The following PARD3B variants were observed in gnomAD, a reference collection of about 807,000 sequenced individuals.
The protein encoded by PARD3B is par-3 family cell polarity regulator beta.
In PARD3B, 103 loss-of-function variants were observed where a neutral mutation model predicts 130.2. The ratio of observed to expected loss-of-function variants is 0.79; its 90% confidence interval spans 0.67 to 0.93. PARD3B has a LOEUF of 0.93. PARD3B is among the 40% of genes least tolerant of loss of function. The probability of loss-of-function intolerance (pLI) is 0.00; values close to 1 mark genes in which losing one functional copy is unlikely to be tolerated. For synonymous variants in PARD3B, 583 were observed against 553.2 expected (o/e 1.05, Z -0.76); for missense variants, 1,609 against 1,499.2 (o/e 1.07, Z -1.21).
chr2:204,904,957 G>C (rs1429440611), intron 2 of PARD3B, among the ~76,000 whole-genome samples: 1 of 152,194 alleles, frequency 6.6e-6, no homozygotes, highest in East Asian at 1.9e-4. Flanking sequence ...GCATTTGACA[G>C]CTTATGTATT....
intron 10 of PARD3B, among the ~76,000 whole-genome samples, chr2:205,126,125 G>T (rs1326738568): frequency 6.6e-6 from 1 of 152,282 alleles, no homozygotes; most frequent in African/African-American, 2.4e-5. Context: ...AGATAGCCAA[G>T]TATTCAAAAT....
At chr2:205,032,104 C>T (rs1031010421) in intron 3 of PARD3B, among the ~76,000 whole-genome samples, 2 of 152,076 alleles carry the variant, frequency 1.3e-5, no homozygotes, top group Non-Finnish European at 2.9e-5. Context: ...AAACACAGTA[C>T]AGTTTTGTAC....
intron 2 of PARD3B, among the ~76,000 whole-genome samples, chr2:204,816,643 G>T (rs1002317486): frequency 1.3e-5 from 2 of 151,722 alleles, no homozygotes; most frequent in African/African-American, 4.8e-5. Context: ...GCAAAAAAAT[G>T]TCTGTTTTTC....
intron 5 of PARD3B, among the ~76,000 whole-genome samples, chr2:205,106,958 TA>T (rs1265312410): frequency 6.6e-6 from 1 of 152,028 alleles, no homozygotes. Flanking sequence ...GAAGTGAAAT[TA>T]GGAAGCCAAT....
At chr2:205,613,266 G>T (rs1338614975) in intron 22 of PARD3B, among the ~76,000 whole-genome samples, 1 of 152,192 alleles carries the variant, frequency 6.6e-6, no homozygotes, top group Non-Finnish European at 1.5e-5. Flanking sequence ...GGCTTAAAAT[G>T]AGTGCAGAAA....
At chr2:205,033,720 T>A (rs1014798925) in intron 3 of PARD3B, among the ~76,000 whole-genome samples, 19 of 152,352 alleles carry the variant, frequency 1.2e-4, no homozygotes, top group Non-Finnish European at 1.9e-4. Flanking sequence ...ATCCACAGAA[T>A]CTTTTCAGGT....
chr2:204,714,385 C>T (rs1305394664), intron 2 of PARD3B, among the ~76,000 whole-genome samples: 2 of 152,026 alleles, frequency 1.3e-5, no homozygotes, highest in Non-Finnish European at 2.9e-5. Flanking sequence ...GTTCTTGTTT[C>T]CTTGTTTATT....
rs1252730210 is a variant in PARD3B, at chr2:205,308,621, C to CAAAAAAAAAAAAAAAAAAA, written c.2630+6923_2630+6924insAAAAAAAAAAAAAAAAAAA. Among the ~76,000 whole-genome samples the CAAAAAAAAAAAAAAAAAAA allele has an allele frequency of 2.1e-5, 2 of 93,072 alleles. 1 individual carries two copies. The highest frequency in any genetic ancestry group is 8.8e-4 in the South Asian group (2 of 2,276). The allele number at this position is 93,072 out of a possible 152,430, so 61.1% of individuals were successfully genotyped here. Reference sequence around the variant, plus strand: ...CTCCGTCTCAAAAAAAAAAAAAAACCAAACAACAAAACAAAACCCCAAGAC... The same window carrying CAAAAAAAAAAAAAAAAAAA: ...CTCCGTCTCAAAAAAAAAAAAAAACCAAAAAAAAAAAAAAAAAAAAAACAACAAAACAAAACCCCAAGAC... On this transcript the variant is annotated intron_variant, in intron 18 of 22. Transcript: ENST00000406610.
At chr2:205,383,679 C>T (rs1574876398) in intron 18 of PARD3B, among the ~76,000 whole-genome samples, 1 of 152,024 alleles carries the variant, frequency 6.6e-6, no homozygotes, top group Non-Finnish European at 1.5e-5. Flanking sequence ...AAGAGTCATG[C>T]ATCCACAGTC....
At chr2:205,302,454 A>G (rs2042045642) in intron 18 of PARD3B, among the ~76,000 whole-genome samples, 1 of 152,186 alleles carries the variant, frequency 6.6e-6, no homozygotes, top group Non-Finnish European at 1.5e-5. Context: ...GCTTGATCCC[A>G]GTAGTTCAAG....
chr2:204,742,727 T>G (rs2125366925), intron 2 of PARD3B, among the ~76,000 whole-genome samples: 1 of 152,336 alleles, frequency 6.6e-6, no homozygotes, highest in South Asian at 2.1e-4. Flanking sequence ...GTCACTAACT[T>G]GATCTGCATT....
intron 2 of PARD3B, among the ~76,000 whole-genome samples, chr2:204,819,393 G>A (rs1042841568): frequency 1.3e-5 from 2 of 152,130 alleles, no homozygotes; most frequent in African/African-American, 4.8e-5. Flanking sequence ...TACAAACAGT[G>A]CCTTTATAAG....
chr2:204,938,879 A>G (rs578000574), intron 2 of PARD3B, among the ~76,000 whole-genome samples: 1 of 152,306 alleles, frequency 6.6e-6, no homozygotes, highest in African/African-American at 2.4e-5. Context: ...AGCTCAGTAC[A>G]TATATCTGGA....
rs1443669472 is a variant in PARD3B, at chr2:205,590,595, A to G, written c.3261-24861A>G. ...GAGTCATTCCACCTGAACCACATGGACTGAGAGTGGGCATGGAATGATTCC... is the reference window on the plus strand; with the variant it reads ...GAGTCATTCCACCTGAACCACATGGGCTGAGAGTGGGCATGGAATGATTCC... On this transcript the variant is annotated intron_variant, in intron 22 of 22. Transcript: ENST00000406610. The surrounding 1 kb of genome is among the most constrained non-coding windows in gnomAD (Gnocchi z 4.1). 6.6e-6 allele frequency among the ~76,000 whole-genome samples: 1 copy of G among 152,130 alleles called. No individual in the cohort carries two copies. Among genetic ancestry groups the G allele is most frequent in the African/African-American group, 2.4e-5 (1 of 41,438 alleles).
chr2:205,402,538 A>C (rs1490282916), intron 19 of PARD3B, among the ~76,000 whole-genome samples: 1 of 152,084 alleles, frequency 6.6e-6, no homozygotes, highest in Non-Finnish European at 1.5e-5. Context: ...GGGGAAAAAA[A>C]CTCTTAGTAG....
rs920688393 is a variant in PARD3B at position 205,473,739 on chromosome 2, T to G, written c.3045-26157T>G. ...ACACACGTATATAAAACCCTAAATA[T>G]ATATATATATATATATAACCTTAAA... On this transcript the variant is annotated intron_variant, in intron 20 of 22. Coordinates refer to ENST00000406610, the MANE Select transcript of PARD3B (RefSeq NM_001302769.2). The surrounding 1 kb of genome is among the most constrained non-coding windows in gnomAD (Gnocchi z 4.9). 7.9e-6 allele frequency among the ~76,000 whole-genome samples: 1 copy of G among 127,072 alleles called. No individual in the cohort carries two copies. Among genetic ancestry groups the G allele is most frequent in the East Asian group, 2.0e-4 (1 of 5,110 alleles). The allele number at this position is 127,072 out of a possible 152,430, so 83.4% of individuals were successfully genotyped here.
chr2:205,257,455 T>A (rs1032380704), intron 16 of PARD3B, among the ~76,000 whole-genome samples: 6 of 152,064 alleles, frequency 3.9e-5, no homozygotes, highest in Non-Finnish European at 7.4e-5. Context: ...TTAGAAATAC[T>A]GGCATCAAAC....
chr2:205,199,190 G>A (rs1176201014), intron 15 of PARD3B, among the ~76,000 whole-genome samples: 1 of 152,126 alleles, frequency 6.6e-6, no homozygotes, highest in African/African-American at 2.4e-5. Flanking sequence ...CACTGGAGAT[G>A]TGGTAAATAA....
At chr2:204,924,711 G>A (rs937196193) in intron 2 of PARD3B, among the ~76,000 whole-genome samples, 9 of 151,974 alleles carry the variant, frequency 5.9e-5, no homozygotes, top group African/African-American at 2.2e-4. Flanking sequence ...CTTTTGGGGA[G>A]CTTTAAATTT....
Sources: allele counts gnomAD v4.1 joint callset (sites outside exome capture counted in the v4.1 genomes callset), GRCh38; gene constraint gnomAD v4.1.1; non-coding constraint Gnocchi (gnomAD v3.1); transcripts MANE v1.5; gene names NCBI Gene and HGNC (gene_info 2026-07-23, HGNC 2026-07-21).